Variants in PCDH15 observed in about 807,000 individuals in gnomAD.
The protein encoded by PCDH15 is protocadherin-15.
PCDH15 carries 129 observed loss-of-function variants against 178.5 expected under a neutral mutation model. The observed-to-expected ratio is 0.72, with a 90% CI of 0.63 to 0.84. PCDH15 has a LOEUF of 0.84. PCDH15 is among the 40% of genes least tolerant of loss of function. The probability of loss-of-function intolerance (pLI) is 0.00; values close to 1 mark genes in which losing one functional copy is unlikely to be tolerated. For synonymous variants in PCDH15, 800 were observed against 732.0 expected (o/e 1.09, Z -1.50); for missense variants, 2,230 against 2,099.9 (o/e 1.06, Z -1.21).
intron 26 of PCDH15, among the ~76,000 whole-genome samples, chr10:53,901,645 C>T (rs963607461): frequency 1.3e-4 from 20 of 152,110 alleles, no homozygotes; most frequent in Admixed American, 2.6e-4. Context: ...TAGAACGAAT[C>T]CCATATTCTA....
chr10:54,794,084 T>A (rs1341929452), intron 1 of PCDH15, among the ~76,000 whole-genome samples: 2 of 147,618 alleles, frequency 1.4e-5, no homozygotes, highest in Non-Finnish European at 3.0e-5. Flanking sequence ...ATATATATAT[T>A]TCCTTTAAGA....
At chr10:54,996,564 G>A (rs1839649122) in intron 2 of PCDH15, among the ~76,000 whole-genome samples, 1 of 152,092 alleles carries the variant, frequency 6.6e-6, no homozygotes, top group African/African-American at 2.4e-5. Flanking sequence ...CTTCATGGTT[G>A]GTCTGTATGG....
At chr10:54,907,732 T>C (rs1954749555) in intron 2 of PCDH15, among the ~76,000 whole-genome samples, 1 of 152,200 alleles carries the variant, frequency 6.6e-6, no homozygotes, top group Admixed American at 6.5e-5. Context: ...ATGAGGTATA[T>C]GTGTGATATT....
intron 2 of PCDH15, among the ~76,000 whole-genome samples, chr10:55,004,640 C>T (rs1406560510): frequency 1.3e-5 from 2 of 152,074 alleles, no homozygotes; most frequent in Non-Finnish European, 2.9e-5. Context: ...ACATTTCTTC[C>T]CTCCTATATA....
chr10:53,856,716 ACT>A (rs887938387), intron 28 of PCDH15, among the ~76,000 whole-genome samples: 5 of 152,098 alleles, frequency 3.3e-5, no homozygotes, highest in Non-Finnish European at 7.4e-5. Flanking sequence ...ATTTGAAGAC[ACT>A]CTCAAAATCT....
intron 25 of PCDH15, among the ~76,000 whole-genome samples, chr10:53,913,431 T>C (rs1330932968): frequency 6.6e-6 from 1 of 151,856 alleles, no homozygotes; most frequent in African/African-American, 2.4e-5. Context: ...AAATGAGATC[T>C]AGTTAAAATA....
chr10:54,812,273 CTT>C (rs529215060), intron 3 of PCDH15, among the ~76,000 whole-genome samples: 19 of 134,728 alleles, frequency 1.4e-4, no homozygotes, highest in Admixed American at 3.0e-4. Context: ...CTTCCTCTTC[CTT>C]TTTTTTTTTT....
chr10:54,468,115 T>C (rs2077651486), intron 3 of PCDH15, among the ~76,000 whole-genome samples: 1 of 152,006 alleles, frequency 6.6e-6, no homozygotes, highest in South Asian at 2.1e-4. Flanking sequence ...AACTTTTTGT[T>C]TTGTTGACCC....
chr10:54,628,563 C>G (rs1214772916), intron 2 of PCDH15, among the ~76,000 whole-genome samples: 1 of 152,080 alleles, frequency 6.6e-6, no homozygotes, highest in Non-Finnish European at 1.5e-5. Context: ...AGAAGTCATG[C>G]CAGTAATTCG....
intron 32 of PCDH15, among the ~76,000 whole-genome samples, chr10:53,826,634 A>T (rs2076698254): frequency 6.6e-6 from 1 of 152,126 alleles, no homozygotes; most frequent in Non-Finnish European, 1.5e-5. Context: ...GAACATCACC[A>T]TAAGGAATCC....
At chr10:54,380,313 T>C (rs1949021230) in intron 3 of PCDH15, among the ~76,000 whole-genome samples, 1 of 151,858 alleles carries the variant, frequency 6.6e-6, no homozygotes, top group Non-Finnish European at 1.5e-5. Flanking sequence ...TTTTTATTTT[T>C]GACTGAAATG....
chr10:54,397,179 T>C (rs372404617), intron 3 of PCDH15, among the ~76,000 whole-genome samples: 1 of 152,076 alleles, frequency 6.6e-6, no homozygotes, highest in East Asian at 1.9e-4. Context: ...TTGTAAATTC[T>C]TCCTATGACT....
At chr10:55,009,528 T>C (rs1339954981) in intron 2 of PCDH15, among the ~76,000 whole-genome samples, 1 of 152,158 alleles carries the variant, frequency 6.6e-6, no homozygotes, top group Admixed American at 6.6e-5. Flanking sequence ...ATTTCACTTA[T>C]CGAGACTGTA....
At chr10:55,252,287 G>A (rs1841858458) in intron 1 of PCDH15, among the ~76,000 whole-genome samples, 1 of 151,984 alleles carries the variant, frequency 6.6e-6, no homozygotes, top group South Asian at 2.1e-4. Flanking sequence ...ACCCAAATAG[G>A]AGTGCAAATA....
chr10:54,930,118 T>C (rs750778289), intron 2 of PCDH15, among the ~76,000 whole-genome samples: 3 of 152,176 alleles, frequency 2.0e-5, no homozygotes, highest in African/African-American at 7.2e-5. Flanking sequence ...ACATGACATC[T>C]CCATCTTTCC....
At chr10:54,701,539 T>C (rs2095308831) in intron 1 of PCDH15, among the ~76,000 whole-genome samples, 1 of 152,038 alleles carries the variant, frequency 6.6e-6, no homozygotes, top group Non-Finnish European at 1.5e-5. Context: ...GACCCAACTG[T>C]ATGCTGTCTT....
chr10:55,215,332 C>G (rs1003230947), intron 1 of PCDH15, among the ~76,000 whole-genome samples: 9 of 152,074 alleles, frequency 5.9e-5, no homozygotes, highest in African/African-American at 2.2e-4. Context: ...TCAGTGTGTA[C>G]TTAGGCCTGA....
rs958144153 is a variant in PCDH15 at position 54,020,066 on chromosome 10, T to A, written c.2751+126A>T. 5.3e-6 allele frequency: 4 copies of A among 754,632 alleles called. No individual in the cohort carries two copies. In the African/African-American group the frequency reaches 7.1e-5, roughly 13 times the overall value. The allele number at this position is 754,632 out of a possible 1,614,324, so 46.7% of individuals were successfully genotyped here. A position where few individuals can be genotyped will look rare whatever the true frequency, so the allele number is the denominator to read the frequency against. ...AATATTTCCATTGGAAAATCTATGT[T>A]ATGGGTCTGGTACCACTGTGTCATT... On this transcript the variant is annotated intron_variant, in intron 20 of 37. Coordinates refer to ENST00000644397, the MANE Select transcript of PCDH15 (RefSeq NM_001384140.1).
intron 3 of PCDH15, among the ~76,000 whole-genome samples, chr10:54,868,290 A>G (rs1304505994): frequency 6.6e-6 from 1 of 152,190 alleles, no homozygotes; most frequent in Non-Finnish European, 1.5e-5. Context: ...ACCTGTCTAT[A>G]TGGCATCTGT....
Sources: gnomAD v4.1 joint callset for allele counts (sites outside exome capture counted in the v4.1 genomes callset) on GRCh38, gnomAD v4.1.1 for gene constraint, MANE v1.5 for transcripts, NCBI Gene and HGNC (gene_info 2026-07-23, HGNC 2026-07-21) for gene names.